The following PLCB1 variants were observed in gnomAD, a reference collection of about 807,000 sequenced individuals.
PLCB1 encodes the protein 1-phosphatidylinositol 4,5-bisphosphate phosphodiesterase beta-1.
Under a neutral mutation model 161.8 loss-of-function variants are expected in PLCB1, and 46 were observed. That is an observed-to-expected ratio of 0.28 (90% confidence interval 0.22 to 0.36). PLCB1 has a LOEUF of 0.36. Among genes scored for constraint, PLCB1 ranks in the 10% least tolerant of loss-of-function variants. The pLI is 1.00. For missense variants in PLCB1, 1,016 were observed against 1,472.5 expected (o/e 0.69, Z 5.07); for synonymous variants, 517 against 503.7 (o/e 1.03, Z -0.35).
chr20:8,755,341 G>A (rs1981686564), intron 23 of PLCB1, among the ~76,000 whole-genome samples: 1 of 152,036 alleles, frequency 6.6e-6, no homozygotes, highest in African/African-American at 2.4e-5. Context: ...ATGCCAAAAT[G>A]TCACAATGTT....
chr20:8,719,644 C>T (rs1364692395), intron 14 of PLCB1, among the ~76,000 whole-genome samples: 1 of 152,014 alleles, frequency 6.6e-6, no homozygotes, highest in Non-Finnish European at 1.5e-5. Flanking sequence ...TAATGGGTTC[C>T]CTTGGAAGAA....
chr20:8,491,049 A>G (rs11906579), intron 3 of PLCB1, among the ~76,000 whole-genome samples: 5,647 of 151,894 alleles, frequency 0.037, 348 homozygotes, highest in African/African-American at 0.13. Context: ...AACAGCATAA[A>G]TATTTTACTT....
chr20:8,680,536 C>T (rs1990186577), intron 9 of PLCB1, among the ~76,000 whole-genome samples: 1 of 152,108 alleles, frequency 6.6e-6, no homozygotes, highest in Non-Finnish European at 1.5e-5. Flanking sequence ...GTTAGCAAGG[C>T]AAAGCTTTGG....
intron 1 of PLCB1, among the ~76,000 whole-genome samples, chr20:8,143,306 A>T (rs1267535584): frequency 1.3e-5 from 2 of 152,102 alleles, no homozygotes; most frequent in Non-Finnish European, 2.9e-5. Flanking sequence ...TTTCTTTATC[A>T]TGGCTGTGGG....
intron 3 of PLCB1, chr20:8,625,248 C>T (rs1042335286): frequency 2.6e-5 from 4 of 152,194 alleles, no homozygotes; most frequent in Admixed American, 2.0e-4. Flanking sequence ...GCAGTTTGTC[C>T]GTCCAGACAA....
At chr20:8,201,437 T>G (rs1481121066) in intron 2 of PLCB1, among the ~76,000 whole-genome samples, 2 of 152,262 alleles carry the variant, frequency 1.3e-5, no homozygotes, top group East Asian at 3.9e-4. Context: ...TCCAAAAATT[T>G]TTTTAGCAAA....
chr20:8,595,015 T>C (rs1238852613), intron 3 of PLCB1, among the ~76,000 whole-genome samples: 2 of 152,206 alleles, frequency 1.3e-5, no homozygotes, highest in African/African-American at 4.8e-5. Context: ...CAAAAGTATA[T>C]ATAGACTACA....
intron 3 of PLCB1, among the ~76,000 whole-genome samples, chr20:8,385,270 A>G (rs1987389990): frequency 6.6e-6 from 1 of 152,104 alleles, no homozygotes; most frequent in Non-Finnish European, 1.5e-5. Flanking sequence ...GTGAGAAAGG[A>G]TGAGTCAGGG....
chr20:8,516,153 G>A (rs1984103176), intron 3 of PLCB1, among the ~76,000 whole-genome samples: 1 of 152,126 alleles, frequency 6.6e-6, no homozygotes, highest in African/African-American at 2.4e-5. Context: ...CAACACGTGG[G>A]AATTATGGGA....
chr20:8,659,821 G>A (rs1230516835), intron 9 of PLCB1, among the ~76,000 whole-genome samples: 1 of 151,846 alleles, frequency 6.6e-6, no homozygotes, highest in African/African-American at 2.4e-5. Flanking sequence ...GCGAAATCCT[G>A]TCTCTATTAA....
intron 3 of PLCB1, among the ~76,000 whole-genome samples, chr20:8,486,479 ATAT>A (rs1477794100): frequency 1.3e-4 from 13 of 97,562 alleles, no homozygotes; most frequent in Non-Finnish European, 2.0e-4. Flanking sequence ...TTATTCCAAA[ATAT>A]TTTTTTTTTT....
chr20:8,593,395 T>C (rs572591494), intron 3 of PLCB1, among the ~76,000 whole-genome samples: 20 of 152,216 alleles, frequency 1.3e-4, no homozygotes, highest in South Asian at 1.2e-3. Context: ...GGTCTTGCTC[T>C]GTTTCCCAGG....
chr20:8,425,729 A>G (rs1979738749), intron 3 of PLCB1, among the ~76,000 whole-genome samples: 1 of 152,210 alleles, frequency 6.6e-6, no homozygotes, highest in Admixed American at 6.5e-5. Flanking sequence ...GGCAATGAGG[A>G]GATTCCCAGC....
intron 3 of PLCB1, among the ~76,000 whole-genome samples, chr20:8,386,269 A>G (rs1456496426): frequency 6.6e-6 from 1 of 152,202 alleles, no homozygotes; most frequent in Non-Finnish European, 1.5e-5. Flanking sequence ...AGCCCTACCT[A>G]AAGTATTTCT....
intron 3 of PLCB1, among the ~76,000 whole-genome samples, chr20:8,587,346 G>A (rs1319961690): frequency 1.3e-5 from 2 of 152,088 alleles, no homozygotes; most frequent in Non-Finnish European, 2.9e-5. Flanking sequence ...TGTTCTTAAT[G>A]CAGCCTGCCT....
chr20:8,832,917 A>T (rs1332618592), intron 31 of PLCB1, among the ~76,000 whole-genome samples: 3 of 152,130 alleles, frequency 2.0e-5, no homozygotes, highest in African/African-American at 7.2e-5. Context: ...AACCTTAAGG[A>T]TTGTCATTGT....
intron 2 of PLCB1, among the ~76,000 whole-genome samples, chr20:8,270,447 G>A (rs1462565673): frequency 1.3e-5 from 2 of 152,098 alleles, no homozygotes; most frequent in Non-Finnish European, 2.9e-5. Flanking sequence ...TGTAACATGG[G>A]CATGTAATAA....
intron 2 of PLCB1, among the ~76,000 whole-genome samples, chr20:8,165,986 A>G (rs1224393080): frequency 1.3e-5 from 2 of 152,052 alleles, no homozygotes; most frequent in Non-Finnish European, 2.9e-5. Flanking sequence ...TAGCTTCTCA[A>G]TGATTTCATA....
rs949444115 is a variant in PLCB1 at position 8,883,056 on chromosome 20, T to TTGA, written c.*1210_*1212dup. On this transcript the variant is annotated 3_prime_UTR_variant, in exon 32 of 32. Transcript: ENST00000338037. ...ATTATATGGAGACGCTAAGAAATAATTGATGGAGCCATTGATGCAAACCGA... is the reference window on the plus strand; with the variant it reads ...ATTATATGGAGACGCTAAGAAATAATTGATGATGGAGCCATTGATGCAAACCGA... 1.3e-5 allele frequency: 2 copies of TTGA among 152,586 alleles called. No homozygotes were observed. The highest frequency in any genetic ancestry group is 4.8e-5 in the African/African-American group (2 of 41,452). The allele number at this position is 152,586 out of a possible 1,614,324, so 9.5% of individuals were successfully genotyped here. A position where few individuals can be genotyped will look rare whatever the true frequency, so the allele number is the denominator to read the frequency against.
Sources: gnomAD v4.1 joint callset for allele counts (sites outside exome capture counted in the v4.1 genomes callset) on GRCh38, gnomAD v4.1.1 for gene constraint, MANE v1.5 for transcripts, NCBI Gene and HGNC (gene_info 2026-07-23, HGNC 2026-07-21) for gene names.